The following CFAP47 variants were observed in gnomAD, a reference collection of about 807,000 sequenced individuals.
CFAP47 encodes the protein cilia- and flagella-associated protein 47.
CFAP47 carries 29 observed loss-of-function variants against 148.1 expected under a neutral mutation model. That is an observed-to-expected ratio of 0.20 (90% CI 0.15 to 0.27). CFAP47 has a LOEUF of 0.27. Among genes scored for constraint, CFAP47 ranks in the 10% least tolerant of loss-of-function variants. The probability of loss-of-function intolerance (pLI) is 1.00; values close to 1 mark genes in which losing one functional copy is unlikely to be tolerated. For synonymous variants in CFAP47, 664 were observed against 577.3 expected (o/e 1.15, Z -2.15); for missense variants, 1,872 against 1,697.5 (o/e 1.10, Z -1.81).
intron 10 of CFAP47, 81 bp downstream of exon 10, chrX:35,967,913 T>A: frequency 4.9e-6 from 2 of 410,357 alleles, no homozygotes; most frequent in Non-Finnish European, 8.2e-6. Context: ...CAGATCCTGC[T>A]GTATAACACT....
chrX:36,345,706 T>C (rs781893457), intron 57 of CFAP47, among the ~76,000 whole-genome samples: 82 of 112,179 alleles, frequency 7.3e-4, no homozygotes, highest in African/African-American at 2.4e-3. Context: ...CGTAAAAGCA[T>C]TTAATTTATG....
intron 3 of CFAP47, among the ~76,000 whole-genome samples, chrX:35,945,933 C>T (rs1284579543): frequency 7.2e-5 from 7 of 97,553 alleles, no homozygotes; most frequent in Non-Finnish European, 8.0e-5. Context: ...AGTGCAGCGG[C>T]GTGCTCTTGG....
At chrX:36,264,196 C>T (rs781987566) in intron 49 of CFAP47, among the ~76,000 whole-genome samples, 1 of 111,740 alleles carries the variant, frequency 8.9e-6, no homozygotes, top group South Asian at 3.8e-4. Context: ...GAAGGGGTCT[C>T]TTCTGGAGCT....
At chrX:36,215,910 T>C (rs1940154755) in intron 45 of CFAP47, among the ~76,000 whole-genome samples, 1 of 112,009 alleles carries the variant, frequency 8.9e-6, no homozygotes, top group South Asian at 3.8e-4. Context: ...TGCCCCCTAA[T>C]GGTATTTATT....
chrX:36,000,938 C>T lies in CFAP47; in HGVS notation c.3322+511C>T, dbSNP rs189796997. On this transcript the variant is annotated intron_variant, in intron 20 of 63. Coordinates refer to ENST00000378653, the MANE Select transcript of CFAP47 (RefSeq NM_001304548.2). Reference sequence around the variant, plus strand: ...TTATAAATAAGGTTTTATTAGAACACGCACAGACCCATTTGTTTGTATAAT... The same window carrying T: ...TTATAAATAAGGTTTTATTAGAACATGCACAGACCCATTTGTTTGTATAAT... Among the ~76,000 whole-genome samples, 380 of 111,452 alleles carry T rather than the reference C, an allele frequency of 3.4e-3. 1 individual carries two copies. Among genetic ancestry groups the T allele is most frequent in the South Asian group, 0.023 (62 of 2,651 alleles).
At chrX:36,237,556 C>A (rs1312361332) in intron 48 of CFAP47, among the ~76,000 whole-genome samples, 5 of 111,597 alleles carry the variant, frequency 4.5e-5, no homozygotes, top group Non-Finnish European at 9.4e-5. Flanking sequence ...TATCAAACTC[C>A]TGGGCTCAAG....
At chrX:36,288,570 T>C (rs1941157285) in intron 51 of CFAP47, among the ~76,000 whole-genome samples, 1 of 112,726 alleles carries the variant, frequency 8.9e-6, no homozygotes, top group Non-Finnish European at 1.9e-5. Context: ...GAAAATTGCA[T>C]GATCATTTAT....
At chrX:36,340,013 A>C (rs1941639526) in intron 57 of CFAP47, among the ~76,000 whole-genome samples, 2 of 111,972 alleles carry the variant, frequency 1.8e-5, no homozygotes, top group African/African-American at 6.5e-5. Flanking sequence ...TTCCTTTGAC[A>C]GTGTCTTCTT....
chrX:35,956,592 T>G (rs763989990), intron 8 of CFAP47, among the ~76,000 whole-genome samples: 44 of 111,927 alleles, frequency 3.9e-4, no homozygotes, highest in African/African-American at 1.3e-3. Context: ...GAGAGTAATG[T>G]ATGAGCCAGA....
At chrX:36,216,859 C>A (rs782750434) in intron 45 of CFAP47, among the ~76,000 whole-genome samples, 1 of 110,853 alleles carries the variant, frequency 9.0e-6, no homozygotes, top group South Asian at 3.9e-4. Flanking sequence ...AAGCACTGAT[C>A]TTGGGCTTTA....
At chrX:35,982,075 A>G (rs1332104197) in intron 15 of CFAP47, among the ~76,000 whole-genome samples, 1 of 111,778 alleles carries the variant, frequency 8.9e-6, no homozygotes, top group African/African-American at 3.2e-5. Context: ...TTTTTAAATT[A>G]TTGGAGAAAT....
At chrX:36,209,097 T>C (rs1940072814) in intron 45 of CFAP47, among the ~76,000 whole-genome samples, 1 of 112,407 alleles carries the variant, frequency 8.9e-6, no homozygotes, top group Non-Finnish European at 1.9e-5. Flanking sequence ...ATAAATTTTG[T>C]TTAACAGAAT....
At chrX:36,104,310 T>C (rs1182550333) in intron 32 of CFAP47, among the ~76,000 whole-genome samples, 189 bp from the exon 33 acceptor site, 2 of 112,109 alleles carry the variant, frequency 1.8e-5, no homozygotes, top group Non-Finnish European at 3.8e-5. Context: ...AAGCAAAAAG[T>C]TGTCAATTTA....
In CFAP47 at chrX:36,343,925, A is replaced by G. The variant is rs782176706; in HGVS notation, c.8444-4204A>G. Among the ~76,000 whole-genome samples, 270 of 109,222 alleles carry G rather than the reference A, an allele frequency of 2.5e-3. 3 individuals carry two copies. Among genetic ancestry groups the G allele is most frequent in the South Asian group, 0.012 (29 of 2,490 alleles). The allele number at this position is 109,222 out of a possible 115,157, so 94.8% of individuals were successfully genotyped here. A position where few individuals can be genotyped will look rare whatever the true frequency, so the allele number is the denominator to read the frequency against. ...ACTGAGAATGATGATTTCCAATTTCATCCATGTCCCTACAAAGGACATGAA... is the reference window on the plus strand; with the variant it reads ...ACTGAGAATGATGATTTCCAATTTCGTCCATGTCCCTACAAAGGACATGAA... On this transcript the variant is annotated intron_variant, in intron 57 of 63. Coordinates refer to ENST00000378653, the MANE Select transcript of CFAP47 (RefSeq NM_001304548.2).
At chrX:36,065,454 A>C (rs192198882) in intron 26 of CFAP47, among the ~76,000 whole-genome samples, 189 bp from the exon 27 acceptor site, 11 of 112,251 alleles carry the variant, frequency 9.8e-5, no homozygotes, top group African/African-American at 3.5e-4. Flanking sequence ...ACTATCTATT[A>C]AAATCTTTAG....
At position 36,385,004 on chromosome X, in the gene CFAP47, T is replaced by TTCC; in HGVS notation, c.9562_9563insTCC (p.Ter3188delinsPheGln). ...GGGTGCTCCTTTGGTGAAGAATCAA[T>TTCC]AAAATTTTTTTCCAAAATATTTCTT... On this transcript the variant is annotated stop_lost, in exon 64 of 64. Transcript: ENST00000378653. 8.8e-7 allele frequency: 1 copy of TTCC among 1,139,029 alleles called. No individual in the cohort carries two copies. Among genetic ancestry groups the TTCC allele is most frequent in the African/African-American group, 1.8e-5 (1 of 55,084 alleles). 93.9% of individuals were successfully genotyped at this position (1,139,029 alleles called of 1,213,427 possible). A position where few individuals can be genotyped will look rare whatever the true frequency, so the allele number is the denominator to read the frequency against.
intron 23 of CFAP47, among the ~76,000 whole-genome samples, chrX:36,033,379 AAAT>A (rs1473093894): frequency 8.9e-6 from 1 of 111,849 alleles, no homozygotes; most frequent in Non-Finnish European, 1.9e-5. Flanking sequence ...TATAAAGAAA[AAAT>A]AACACTAAAC....
At chrX:36,007,215 G>A (rs755876061) in intron 21 of CFAP47, among the ~76,000 whole-genome samples, 4 of 111,958 alleles carry the variant, frequency 3.6e-5, no homozygotes, top group African/African-American at 6.5e-5. Context: ...CTTGATCTGC[G>A]ATTTAAGGAT....
At chrX:35,961,414 C>T (rs996008090) in intron 8 of CFAP47, among the ~76,000 whole-genome samples, 2 of 111,484 alleles carry the variant, frequency 1.8e-5, no homozygotes, top group Non-Finnish European at 3.8e-5. Context: ...CTTCTTTAAA[C>T]GGTTGGTAGA....
Sources: gnomAD v4.1 joint callset for allele counts (sites outside exome capture counted in the v4.1 genomes callset) on GRCh38, gnomAD v4.1.1 for gene constraint, MANE v1.5 for transcripts, NCBI Gene and HGNC (gene_info 2026-07-23, HGNC 2026-07-21) for gene names.